The following PRKCZ variants were observed in gnomAD, a reference collection of about 807,000 sequenced individuals.
PRKCZ encodes the protein protein kinase C zeta, also known as protein kinase C zeta type.
Under a neutral mutation model 79.5 loss-of-function variants are expected in PRKCZ, and 33 were observed. The observed-to-expected ratio is 0.41, with a 90% CI of 0.31 to 0.55. PRKCZ has a LOEUF of 0.55. Among genes scored for constraint, PRKCZ ranks in the 20% least tolerant of loss-of-function variants. PRKCZ has a pLI of 0.19. For missense variants in PRKCZ, 578 were observed against 813.5 expected (o/e 0.71, Z 3.52); for synonymous variants, 342 against 320.9 (o/e 1.07, Z -0.70).
chr1:2,182,521 C>T (rs1052972522), intron 16 of PRKCZ: 2 of 154,996 alleles, frequency 1.3e-5, no homozygotes, highest in Admixed American at 6.5e-5. Context: ...TGGAAGCCTT[C>T]TTGGCTCTTC....
intron 4 of PRKCZ, chr1:2,104,787 G>T (rs1668092425): frequency 1.0e-6 from 1 of 986,036 alleles, no homozygotes. Context: ...GCCCCCCGGG[G>T]CCGAGCACGA....
At chr1:2,133,529 A>ACC (rs549485530) in intron 4 of PRKCZ, 1 of 14,126 alleles carries the variant, frequency 7.1e-5, no homozygotes, top group African/African-American at 2.8e-4. Flanking sequence ...CCTTGGTTCC[A>ACC]CCCCCCCCAG....
chr1:2,072,169 C>A (rs1443352649), intron 4 of PRKCZ, among the ~76,000 whole-genome samples: 1 of 152,222 alleles, frequency 6.6e-6, no homozygotes, highest in African/African-American at 2.4e-5. Context: ...GGTCAGCCGC[C>A]TGACGAGGGA....
chr1:2,150,503 C>T (rs1679674008), intron 8 of PRKCZ, among the ~76,000 whole-genome samples: 2 of 152,184 alleles, frequency 1.3e-5, no homozygotes, highest in African/African-American at 2.4e-5. Flanking sequence ...GCCTGGGGGT[C>T]CCTCCCACCT....
intron 4 of PRKCZ, among the ~76,000 whole-genome samples, chr1:2,117,287 A>G (rs962848739): frequency 6.6e-6 from 1 of 152,042 alleles, no homozygotes; most frequent in Non-Finnish European, 1.5e-5. Context: ...TCTTGTGTGT[A>G]GCGGTCATCC....
At chr1:2,083,382 G>A (rs187645449) in intron 4 of PRKCZ, among the ~76,000 whole-genome samples, 86 of 152,274 alleles carry the variant, frequency 5.6e-4, no homozygotes, top group African/African-American at 1.8e-3. Context: ...TTTTGGGTAC[G>A]TGGGCTGTAG....
Position 2,172,916 on chromosome 1 carries a change from CGT to C in PRKCZ, c.1285+534_1285+535del, listed in dbSNP as rs747549320. Among the ~76,000 whole-genome samples the C allele has an allele frequency of 6.6e-6, 1 of 151,364 alleles. No individual in the cohort carries two copies. The highest frequency in any genetic ancestry group is 1.5e-5 in the Non-Finnish European group (1 of 67,944). ...GGGGACGTGGGCACGCGTGTGCAGC[CGT>C]GTGTGCGTGTGTGAAACGGGGATGT... On this transcript the variant is annotated intron_variant, in intron 13 of 17. Coordinates refer to ENST00000378567, the MANE Select transcript of PRKCZ (RefSeq NM_002744.6). This position sits in a 1 kb window ranked among gnomAD's most constrained non-coding sequence, Gnocchi z 7.8.
chr1:2,120,924 C>T (rs928528150), intron 4 of PRKCZ, among the ~76,000 whole-genome samples: 2 of 149,704 alleles, frequency 1.3e-5, no homozygotes, highest in Admixed American at 6.7e-5. Flanking sequence ...AGCAATATTC[C>T]TGCCCCAGCC....
At chr1:2,164,776 T>A (rs1683009979) in intron 10 of PRKCZ, among the ~76,000 whole-genome samples, 1 of 152,214 alleles carries the variant, frequency 6.6e-6, no homozygotes, top group Non-Finnish European at 1.5e-5. Context: ...CCCTGTGCGA[T>A]TGCCGGGCCT....
At chr1:2,107,704 C>CCCGGGCTGTGCCTCT (rs1553148928) in intron 4 of PRKCZ, among the ~76,000 whole-genome samples, 1 of 151,934 alleles carries the variant, frequency 6.6e-6, no homozygotes, top group Admixed American at 6.6e-5. Context: ...ATCCCCTCTA[C>CCCGGGCTGTGCCTCT]CCGGGCTGTG....
At chr1:2,088,019 G>A (rs945360933) in intron 4 of PRKCZ, among the ~76,000 whole-genome samples, 5 of 152,256 alleles carry the variant, frequency 3.3e-5, no homozygotes, top group Admixed American at 2.6e-4. Flanking sequence ...GACGGTCTTT[G>A]TTTTGATGGC....
intron 4 of PRKCZ, chr1:2,134,806 T>A (rs1161728790): frequency 6.5e-6 from 1 of 153,614 alleles, no homozygotes; most frequent in South Asian, 2.0e-4. Context: ...CTCTTCCTCC[T>A]CTGACAGTCA....
intron 5 of PRKCZ, chr1:2,143,157 T>C (rs1677752343): frequency 1.3e-5 from 2 of 151,444 alleles, no homozygotes; most frequent in Admixed American, 6.6e-5. Context: ...GCCTCCCGAG[T>C]ACCTGGGACT....
chr1:2,112,473 C>T (rs1571475997), intron 4 of PRKCZ, among the ~76,000 whole-genome samples: 1 of 152,290 alleles, frequency 6.6e-6, no homozygotes, highest in African/African-American at 2.4e-5. Context: ...GCTGAGGACC[C>T]CTCAGTCCAA....
intron 4 of PRKCZ, 80 bp from the exon 5 acceptor site, chr1:2,135,182 A>T (rs1377229740): frequency 8.1e-7 from 1 of 1,232,908 alleles, no homozygotes; most frequent in African/African-American, 1.5e-5. Flanking sequence ...CCTGGACGGG[A>T]GTGGCCTGTC....
At chr1:2,118,212 G>A (rs1671135033) in intron 4 of PRKCZ, among the ~76,000 whole-genome samples, 5 of 151,534 alleles carry the variant, frequency 3.3e-5, no homozygotes, top group Admixed American at 2.6e-4. Context: ...GGCCAAGCTG[G>A]TCTTGAACCC....
chr1:2,061,578 G>A (rs1444472092), intron 4 of PRKCZ, among the ~76,000 whole-genome samples: 1 of 152,178 alleles, frequency 6.6e-6, no homozygotes, highest in Non-Finnish European at 1.5e-5. Context: ...GTGGCTCCAC[G>A]GCTTCGGGGA....
chr1:2,112,491 G>A (rs1316433655), intron 4 of PRKCZ, among the ~76,000 whole-genome samples: 1 of 152,192 alleles, frequency 6.6e-6, no homozygotes, highest in African/African-American at 2.4e-5. Flanking sequence ...CAACCCAGAG[G>A]CCCATGCTGA....
At chr1:2,115,557 C>G (rs879614986) in intron 4 of PRKCZ, among the ~76,000 whole-genome samples, 1 of 152,184 alleles carries the variant, frequency 6.6e-6, no homozygotes, top group Non-Finnish European at 1.5e-5. Flanking sequence ...GCAGACCCTG[C>G]AGATGAAGGG....
Sources: allele counts gnomAD v4.1 joint callset (sites outside exome capture counted in the v4.1 genomes callset), GRCh38; gene constraint gnomAD v4.1.1; non-coding constraint Gnocchi (gnomAD v3.1); transcripts MANE v1.5; gene names NCBI Gene and HGNC (gene_info 2026-07-23, HGNC 2026-07-21).